Variants in TMEM117 observed in about 807,000 individuals in gnomAD.
TMEM117 encodes transmembrane protein 117.
TMEM117 carries 27 observed loss-of-function variants against 52.4 expected under a neutral mutation model. The observed-to-expected ratio is 0.51, with a 90% confidence interval of 0.38 to 0.71. The LOEUF is 0.71. Among genes scored for constraint, TMEM117 ranks in the 30% least tolerant of loss-of-function variants. The pLI is 0.00. For synonymous variants in TMEM117, 215 were observed against 206.3 expected (o/e 1.04, Z -0.36); for missense variants, 556 against 630.5 (o/e 0.88, Z 1.26).
intron 3 of TMEM117, among the ~76,000 whole-genome samples, chr12:44,092,539 C>G (rs1283285984): frequency 1.3e-5 from 2 of 152,130 alleles, no homozygotes; most frequent in African/African-American, 4.8e-5. Context: ...AGGGACCATC[C>G]AGAGGCATAT....
chr12:44,215,722 CTT>C lies in TMEM117; in HGVS notation c.608+4341_608+4342del, dbSNP rs558644951. Among the ~76,000 whole-genome samples, 1,025 of 137,144 alleles carry C rather than the reference CTT, an allele frequency of 7.5e-3. 14 individuals are homozygous for C. The highest frequency in any genetic ancestry group is 0.027 in the African/African-American group (981 of 36,672). 90.0% of individuals were successfully genotyped at this position (137,144 alleles called of 152,430 possible). On this transcript the variant is annotated intron_variant, in intron 5 of 7. Coordinates refer to ENST00000266534, the MANE Select transcript of TMEM117 (RefSeq NM_032256.3). ...AGGATGATATTTCCCAAAGCCTTAGCTTTTTTTAAAAAAAAAAAAGACAAAAT... is the reference window on the plus strand; with the variant it reads ...AGGATGATATTTCCCAAAGCCTTAGCTTTTTAAAAAAAAAAAAGACAAAAT...
chr12:44,160,279 ATG>A lies in TMEM117; in HGVS notation c.510+16657_510+16658del, dbSNP rs1314820025. The stretch of plus-strand genomic sequence containing the variant: ...AAGTAAATTACATACACATACACAT[ATG>A]TATATATATATACACACACACATAT... On this transcript the variant is annotated intron_variant, in intron 4 of 7. Coordinates refer to ENST00000266534, the MANE Select transcript of TMEM117 (RefSeq NM_032256.3). 1.3e-5 allele frequency among the ~76,000 whole-genome samples: 2 copies of A among 152,026 alleles called. 1 individual carries two copies. The highest frequency in any genetic ancestry group is 1.3e-4 in the Admixed American group (2 of 15,240).
At chr12:44,230,071 C>G (rs1001508934) in intron 5 of TMEM117, among the ~76,000 whole-genome samples, 1 of 152,204 alleles carries the variant, frequency 6.6e-6, no homozygotes, top group African/African-American at 2.4e-5. Flanking sequence ...ATTCCTGAGT[C>G]AAGCCCCTAT....
intron 5 of TMEM117, among the ~76,000 whole-genome samples, chr12:44,216,031 G>A (rs1261689714): frequency 4.4e-5 from 5 of 114,240 alleles, no homozygotes; most frequent in African/African-American, 2.0e-4. Context: ...TTTTTGAGAC[G>A]GTTTCTTGCT....
At chr12:43,971,539 G>A (rs1592404522) in intron 3 of TMEM117, among the ~76,000 whole-genome samples, 4 of 152,030 alleles carry the variant, frequency 2.6e-5, no homozygotes, top group Non-Finnish European at 4.4e-5. Flanking sequence ...TACCCTCCAC[G>A]CCTTCACTGC....
intron 3 of TMEM117, among the ~76,000 whole-genome samples, chr12:43,965,594 A>C (rs533994901): frequency 6.6e-6 from 1 of 152,254 alleles, no homozygotes; most frequent in South Asian, 2.1e-4. Flanking sequence ...TATTGTCCTT[A>C]GGCATATTGT....
At chr12:43,986,892 T>A (rs1445658526) in intron 3 of TMEM117, among the ~76,000 whole-genome samples, 2 of 152,220 alleles carry the variant, frequency 1.3e-5, no homozygotes, top group African/African-American at 4.8e-5. Context: ...ATTTTAAATT[T>A]AAGGCTATAT....
chr12:43,820,259 A>C, the TMEM117 span, among the ~76,000 whole-genome samples: 2 of 149,138 alleles, frequency 1.3e-5, no homozygotes, highest in African/African-American at 5.0e-5. Flanking sequence ...CACCACGCCC[A>C]ACTAATTTTT....
At chr12:44,218,347 A>G (rs144332212) in intron 5 of TMEM117, among the ~76,000 whole-genome samples, 11 of 152,356 alleles carry the variant, frequency 7.2e-5, no homozygotes, top group South Asian at 4.1e-4. Context: ...AAATCAATCA[A>G]TGTAATTATA....
intron 6 of TMEM117, among the ~76,000 whole-genome samples, chr12:44,302,962 G>T (rs1468278270): frequency 6.6e-6 from 1 of 151,882 alleles, no homozygotes; most frequent in Non-Finnish European, 1.5e-5. Flanking sequence ...GTCCTTATTA[G>T]AATTATTTAA....
At chr12:44,080,842 T>A (rs1328885522) in intron 3 of TMEM117, among the ~76,000 whole-genome samples, 1 of 152,214 alleles carries the variant, frequency 6.6e-6, no homozygotes, top group East Asian at 1.9e-4. Flanking sequence ...ATGGCTACTT[T>A]TGTGCTTCCA....
At chr12:44,181,736 A>G (rs7132799) in intron 4 of TMEM117, among the ~76,000 whole-genome samples, 30 of 150,678 alleles carry the variant, frequency 2.0e-4, no homozygotes, top group African/African-American at 7.3e-4. Context: ...TACCAGTACC[A>G]TGCTGTTTTG....
At chr12:43,968,872 C>G (rs770820124) in intron 3 of TMEM117, among the ~76,000 whole-genome samples, 1 of 152,098 alleles carries the variant, frequency 6.6e-6, no homozygotes, top group Admixed American at 6.5e-5. Context: ...CTGCAGCCTG[C>G]ACATGGGGAA....
chr12:44,295,479 G>A (rs988197021), intron 5 of TMEM117, among the ~76,000 whole-genome samples: 2 of 152,156 alleles, frequency 1.3e-5, no homozygotes, highest in Non-Finnish European at 2.9e-5. Context: ...AAAGTGCTGG[G>A]ATTACGGGCA....
intron 4 of TMEM117, among the ~76,000 whole-genome samples, chr12:44,208,715 C>G (rs1592607251): frequency 7.7e-6 from 1 of 129,848 alleles, no homozygotes; most frequent in Middle Eastern, 4.6e-3. Context: ...TGCCTGGCAT[C>G]AGAAAGAATG....
intron 3 of TMEM117, among the ~76,000 whole-genome samples, chr12:43,948,020 C>T (rs1428476555): frequency 6.6e-6 from 1 of 152,060 alleles, no homozygotes; most frequent in Non-Finnish European, 1.5e-5. Flanking sequence ...TAGACCGGAA[C>T]CTCAAGAGTT....
chr12:43,812,037 C>T, the TMEM117 span, among the ~76,000 whole-genome samples: 81 of 151,968 alleles, frequency 5.3e-4, no homozygotes, highest in Non-Finnish European at 9.0e-4. Flanking sequence ...AATATTGACT[C>T]ATCCCAAGGT....
chr12:44,167,577 G>A (rs546162038), intron 4 of TMEM117, among the ~76,000 whole-genome samples: 1 of 152,202 alleles, frequency 6.6e-6, no homozygotes, highest in South Asian at 2.1e-4. Flanking sequence ...TGAGGCAGGA[G>A]CATCGCTTGA....
At chr12:44,370,293 G>A (rs1445884955) in intron 6 of TMEM117, among the ~76,000 whole-genome samples, 2 of 151,880 alleles carry the variant, frequency 1.3e-5, no homozygotes, top group African/African-American at 4.8e-5. Context: ...CCTTTCCTCT[G>A]TGATCAATGA....
Sources: allele counts gnomAD v4.1 joint callset (sites outside exome capture counted in the v4.1 genomes callset), GRCh38; gene constraint gnomAD v4.1.1; transcripts MANE v1.5; gene names NCBI Gene and HGNC (gene_info 2026-07-23, HGNC 2026-07-21).